DAP: variants seen among roughly 807,000 people sequenced by gnomAD.
DAP encodes death associated protein, also known as death-associated protein 1.
DAP carries 8 observed loss-of-function variants against 13.8 expected under a neutral mutation model. That is an observed-to-expected ratio of 0.58 (90% CI 0.34 to 1.05). The LOEUF (loss-of-function observed/expected upper bound fraction) is 1.05. Among genes scored for constraint, DAP ranks in the 50% least tolerant of loss-of-function variants. The pLI is 0.03. For synonymous variants in DAP, 47 were observed against 47.5 expected, an observed-to-expected ratio of 0.99 and a Z score of 0.04; for missense variants, 106 against 133.2, an observed-to-expected ratio of 0.80 and a Z score of 1.01.
rs572971500 is a variant in DAP at position 10,760,931 on chromosome 5, C to G, written c.55+83G>C. 5.4e-6 allele frequency: 5 copies of G among 921,604 alleles called. No homozygotes were observed. The East Asian group carries it at 2.2e-4, about 40-fold the overall frequency. The allele number at this position is 921,604 out of a possible 1,614,324, so 57.1% of individuals were successfully genotyped here. On this transcript the variant is annotated intron_variant, in intron 1 of 3. Transcript: ENST00000230895. ...CGTCTCAGCGCTCGCCGGGGCCCTC[C>G]CCGCGGAGCCCCCGCCCGGCGCCCC...
intron 2 of DAP, among the ~76,000 whole-genome samples, chr5:10,715,243 G>T (rs1468809831): frequency 6.6e-6 from 1 of 152,128 alleles, no homozygotes; most frequent in Non-Finnish European, 1.5e-5. Flanking sequence ...ATGTCCCTTG[G>T]GTTTGGTCCT....
intron 1 of DAP, among the ~76,000 whole-genome samples, chr5:10,752,232 T>C (rs1740064301): frequency 6.6e-6 from 1 of 152,236 alleles, no homozygotes. Flanking sequence ...CTAAAAACAA[T>C]TAACTTCATT....
At chr5:10,746,354 G>C in intron 2 of DAP, among the ~76,000 whole-genome samples, 1 of 137,514 alleles carries the variant, frequency 7.3e-6, no homozygotes, top group African/African-American at 2.8e-5. Context: ...TTTGAGACAA[G>C]AGTTTTGTTC....
intron 2 of DAP, among the ~76,000 whole-genome samples, chr5:10,718,097 C>T (rs1337472531): frequency 6.6e-6 from 1 of 152,188 alleles, no homozygotes; most frequent in Non-Finnish European, 1.5e-5. Context: ...CCCAAGGTGA[C>T]CTCTGGCTTT....
intron 2 of DAP, among the ~76,000 whole-genome samples, chr5:10,732,419 A>G (rs901479017): frequency 2.0e-5 from 3 of 152,198 alleles, no homozygotes; most frequent in African/African-American, 4.8e-5. Context: ...CTTATTCTGG[A>G]TATTTCATAT....
chr5:10,714,408 C>T (rs191446751), intron 2 of DAP, among the ~76,000 whole-genome samples: 3 of 152,272 alleles, frequency 2.0e-5, no homozygotes, highest in African/African-American at 7.2e-5. Context: ...CATCACTACT[C>T]TAAAGTGATG....
rs1473265240 is a variant in DAP at position 10,681,151 on chromosome 5, G to T, written c.214C>A (p.Pro72Thr). 1 of 1,517,088 alleles carries T rather than the reference G, an allele frequency of 6.6e-7. No individual in the cohort carries two copies. The highest frequency in any genetic ancestry group is 2.3e-5 in the Admixed American group (1 of 43,780). 94.0% of individuals were successfully genotyped at this position (1,517,088 alleles called of 1,614,324 possible). The change falls in exon 4 of 4, where the codon CCG becomes ACG. Residue 72 changes from proline to threonine, a missense_variant. Coordinates refer to ENST00000230895, the MANE Select transcript of DAP (RefSeq NM_004394.3). ...VIARGDKDFP[P>T]AAAQVAHQKP... ...TGGTGAGCCACCTGCGCAGCCGCCG[G>T]GGGGAAATCTTTGTCACCCTGTCAG...
At chr5:10,744,255 T>C (rs1313421444) in intron 2 of DAP, among the ~76,000 whole-genome samples, 11 of 152,242 alleles carry the variant, frequency 7.2e-5, no homozygotes, top group African/African-American at 1.4e-4. Context: ...GTACTCATTT[T>C]CATATCTGAA....
chr5:10,727,600 T>C (rs561504171), intron 2 of DAP, among the ~76,000 whole-genome samples: 1 of 152,318 alleles, frequency 6.6e-6, no homozygotes, highest in South Asian at 2.1e-4. Context: ...TCCCTGGTTC[T>C]GGCTTGGACA....
intron 1 of DAP, among the ~76,000 whole-genome samples, chr5:10,750,575 T>C (rs1241479708): frequency 2.6e-5 from 4 of 152,352 alleles, no homozygotes; most frequent in African/African-American, 9.6e-5. Flanking sequence ...ATCCCATCAA[T>C]TGATTTTTAA....
At chr5:10,718,846 C>T (rs911623707) in intron 2 of DAP, among the ~76,000 whole-genome samples, 4 of 152,358 alleles carry the variant, frequency 2.6e-5, no homozygotes, top group South Asian at 4.1e-4. Context: ...TGTCCTACCT[C>T]AGGGGTATAT....
At chr5:10,742,549 T>C (rs1161483890) in intron 2 of DAP, among the ~76,000 whole-genome samples, 1 of 152,136 alleles carries the variant, frequency 6.6e-6, no homozygotes, top group East Asian at 1.9e-4. Context: ...CAAAAAAATC[T>C]AATACTATCA....
chr5:10,716,419 T>C lies in DAP; in HGVS notation c.152+31756A>G, dbSNP rs1305084839. Among the ~76,000 whole-genome samples the C allele has an allele frequency of 5.3e-5, 8 of 152,258 alleles. No homozygotes were observed. In the East Asian group the frequency reaches 1.3e-3, roughly 26 times the overall value. On this transcript the variant is annotated intron_variant, in intron 2 of 3. Coordinates refer to ENST00000230895, the MANE Select transcript of DAP (RefSeq NM_004394.3). ...AGTACTGAGTGTCAACTTGATTGGA[T>C]TGAAGGATGCAATATTGATCCTGGT...
rs570163747 is a variant in DAP at position 10,746,321 on chromosome 5, C to A, written c.152+1854G>T. Among the ~76,000 whole-genome samples, 514 of 144,814 alleles carry A rather than the reference C, an allele frequency of 3.5e-3. 1 individual carries two copies. The highest frequency in any genetic ancestry group is 6.1e-3 in the Non-Finnish European group (410 of 66,864). On this transcript the variant is annotated intron_variant, in intron 2 of 3. Coordinates refer to ENST00000230895, the MANE Select transcript of DAP (RefSeq NM_004394.3). ...CAGTAAGTGAGAAAAATAATTCTAG[C>A]GTTTTTTTTTTGTTTTTTTTTTTTT...
intron 2 of DAP, among the ~76,000 whole-genome samples, chr5:10,746,083 G>GGGT (rs1709824722): frequency 6.6e-6 from 1 of 152,130 alleles, no homozygotes. Context: ...ACCCCACTGG[G>GGGT]GGTACTATGT....
intron 1 of DAP, among the ~76,000 whole-genome samples, chr5:10,758,465 C>T (rs536672352): frequency 6.6e-6 from 1 of 151,530 alleles, no homozygotes; most frequent in Non-Finnish European, 1.5e-5. Flanking sequence ...TGCTATTGGG[C>T]CCCTCCTCTA....
chr5:10,690,081 T>G (rs562118566), intron 2 of DAP, among the ~76,000 whole-genome samples: 2 of 151,130 alleles, frequency 1.3e-5, no homozygotes, highest in African/African-American at 4.9e-5. Flanking sequence ...GTCCAGCACT[T>G]CCGCAGGCGA....
chr5:10,710,244 T>G (rs1460483125), intron 2 of DAP, among the ~76,000 whole-genome samples: 1 of 147,952 alleles, frequency 6.8e-6, no homozygotes, highest in African/African-American at 2.7e-5. Flanking sequence ...TAAGGAAGCC[T>G]TCACAGCCTC....
chr5:10,681,188 A>T lies in DAP; in HGVS notation c.196-19T>A. 6.8e-7 allele frequency: 1 copy of T among 1,473,674 alleles called. No homozygotes were observed. Among genetic ancestry groups the T allele is most frequent in the Non-Finnish European group, 9.0e-7 (1 of 1,111,446 alleles). The allele number at this position is 1,473,674 out of a possible 1,614,324, so 91.3% of individuals were successfully genotyped here. ...TGTCACCCTGTCAGGAAACACGGAA[A>T]GCTCAGGTTAATCAATAGGAAGCAT... is the stretch of plus-strand genomic sequence containing the variant. On this transcript the variant is annotated intron_variant, in intron 3 of 3. Transcript: ENST00000230895.
Sources: gnomAD v4.1 joint callset for allele counts (sites outside exome capture counted in the v4.1 genomes callset) on GRCh38, gnomAD v4.1.1 for gene constraint, MANE v1.5 for transcripts, NCBI Gene and HGNC (gene_info 2026-07-23, HGNC 2026-07-21) for gene names.